The following DPP10 variants were observed in gnomAD, a reference collection of about 807,000 sequenced individuals.
The protein encoded by DPP10 is dipeptidyl peptidase like 10.
In DPP10, 33 loss-of-function variants were observed where a neutral mutation model predicts 120.9. The observed-to-expected ratio is 0.27, with a 90% CI of 0.21 to 0.37. DPP10 has a LOEUF of 0.37. Ranked by LOEUF, DPP10 falls within the 10% of genes least tolerant of loss-of-function variation. The probability of loss-of-function intolerance (pLI) is 1.00; values close to 1 mark genes in which losing one functional copy is unlikely to be tolerated. For missense variants in DPP10, 816 were observed against 942.8 expected, an observed-to-expected ratio of 0.87 and a Z score of 1.76; for synonymous variants, 337 against 326.1, an observed-to-expected ratio of 1.03 and a Z score of -0.36.
intron 1 of DPP10, among the ~76,000 whole-genome samples, chr2:114,618,045 G>A (rs1158628986): frequency 1.3e-5 from 2 of 151,974 alleles, no homozygotes; most frequent in African/African-American, 4.8e-5. Flanking sequence ...ATACCAAATG[G>A]GTCCACGCAG....
At chr2:115,587,572 C>T (rs1011906676) in intron 5 of DPP10, among the ~76,000 whole-genome samples, 2 of 152,176 alleles carry the variant, frequency 1.3e-5, no homozygotes, top group African/African-American at 4.8e-5. Flanking sequence ...ACTTCGTGCA[C>T]CCCCATGTTC....
chr2:115,829,765 A>C lies in DPP10; in HGVS notation c.1951-6392A>C, dbSNP rs1470639567. ...CTATTGCTTATTATTTGTGTGTTTT[A>C]ATTTTTATTGTAAATTGTGTCATTT... On this transcript the variant is annotated intron_variant, in intron 21 of 25. Coordinates refer to ENST00000410059, the MANE Select transcript of DPP10 (RefSeq NM_020868.6). 2.6e-5 allele frequency among the ~76,000 whole-genome samples: 4 copies of C among 151,828 alleles called. No homozygotes were observed. The East Asian group carries it at 5.8e-4, about 22-fold the overall frequency.
chr2:115,604,102 T>C (rs1453570329), intron 5 of DPP10, among the ~76,000 whole-genome samples: 2 of 101,950 alleles, frequency 2.0e-5, no homozygotes, highest in African/African-American at 3.6e-5. Context: ...TTTTTTTTTT[T>C]TTTTAAGATG....
chr2:115,692,580 C>G (rs1228342507), intron 7 of DPP10, among the ~76,000 whole-genome samples: 2 of 152,096 alleles, frequency 1.3e-5, no homozygotes, highest in African/African-American at 2.4e-5. Flanking sequence ...CTCTGATTGG[C>G]CAACCCTCAT....
intron 1 of DPP10, among the ~76,000 whole-genome samples, chr2:114,586,006 G>A (rs566357580): frequency 1.3e-5 from 2 of 152,156 alleles, no homozygotes; most frequent in Non-Finnish European, 2.9e-5. Flanking sequence ...CCAGCCCTTT[G>A]GGAAGCTGAG....
At chr2:114,901,072 C>G (rs889599761) in intron 1 of DPP10, among the ~76,000 whole-genome samples, 2 of 152,078 alleles carry the variant, frequency 1.3e-5, no homozygotes, top group Non-Finnish European at 2.9e-5. Context: ...GAACAAACAT[C>G]AAATTTATAA....
At chr2:115,380,911 C>A (rs1258051580) in intron 3 of DPP10, among the ~76,000 whole-genome samples, 5 of 152,090 alleles carry the variant, frequency 3.3e-5, no homozygotes, top group African/African-American at 7.2e-5. Flanking sequence ...AGAGTTTCTG[C>A]CTAGAGATCC....
chr2:114,449,746 G>T (rs1678153505), intron 1 of DPP10, among the ~76,000 whole-genome samples: 1 of 152,070 alleles, frequency 6.6e-6, no homozygotes, highest in Non-Finnish European at 1.5e-5. Flanking sequence ...ATTATGATTT[G>T]TTCTAGTAGC....
intron 1 of DPP10, among the ~76,000 whole-genome samples, chr2:114,938,755 G>T: frequency 6.8e-6 from 1 of 147,268 alleles, no homozygotes. Context: ...TTTGGTCAGA[G>T]GAGACTTTTT....
At chr2:115,229,442 T>A (rs2057619944) in intron 1 of DPP10, among the ~76,000 whole-genome samples, 1 of 152,180 alleles carries the variant, frequency 6.6e-6, no homozygotes, top group African/African-American at 2.4e-5. Context: ...ACTCAAGAAA[T>A]CTTTGCCAAC....
chr2:115,092,812 A>G (rs1257595731), intron 1 of DPP10, among the ~76,000 whole-genome samples: 3 of 152,298 alleles, frequency 2.0e-5, no homozygotes, highest in African/African-American at 4.8e-5. Flanking sequence ...ATAAGTGATG[A>G]AGTATTATAA....
chr2:114,477,832 T>A (rs1388770670), intron 1 of DPP10, among the ~76,000 whole-genome samples: 1 of 91,728 alleles, frequency 1.1e-5, no homozygotes, highest in Non-Finnish European at 3.0e-5. Context: ...TATATGTATG[T>A]ACATAAATAT....
At chr2:115,742,370 A>C (rs954254596) in intron 9 of DPP10, among the ~76,000 whole-genome samples, 1 of 152,150 alleles carries the variant, frequency 6.6e-6, no homozygotes, top group Non-Finnish European at 1.5e-5. Flanking sequence ...ACTTAGCTAC[A>C]TGTGGGTGCC....
chr2:115,240,117 C>T (rs1234927330), intron 1 of DPP10, among the ~76,000 whole-genome samples: 1 of 152,126 alleles, frequency 6.6e-6, no homozygotes, highest in Non-Finnish European at 1.5e-5. Context: ...GATATACACC[C>T]AGTAATGGGA....
At chr2:115,556,054 T>C (rs2080190112) in intron 5 of DPP10, among the ~76,000 whole-genome samples, 1 of 152,178 alleles carries the variant, frequency 6.6e-6, no homozygotes, top group East Asian at 1.9e-4. Context: ...CTATAATTTT[T>C]GAAATAGGAA....
intron 1 of DPP10, among the ~76,000 whole-genome samples, chr2:115,033,455 G>T (rs1703989566): frequency 6.6e-6 from 1 of 151,914 alleles, no homozygotes; most frequent in Non-Finnish European, 1.5e-5. Flanking sequence ...TTTCAAAACT[G>T]CAGTAATACC....
chr2:115,766,286 A>ATG lies in DPP10; in HGVS notation c.1114-1987_1114-1986dup, dbSNP rs34673352. 5.8e-3 allele frequency among the ~76,000 whole-genome samples: 405 copies of ATG among 70,178 alleles called. 4 individuals carry two copies. The highest frequency in any genetic ancestry group is 0.012 in the South Asian group (17 of 1,474). 46.0% of individuals were successfully genotyped at this position (70,178 alleles called of 152,430 possible). On this transcript the variant is annotated intron_variant, in intron 12 of 25. Coordinates refer to ENST00000410059, the MANE Select transcript of DPP10 (RefSeq NM_020868.6). ...ATGAACAAAAATACTCATTATATAT[A>ATG]TGTGTGTGTGTGTGTGTGTGTGTGT...
At chr2:114,735,121 G>T (rs1677294244) in intron 1 of DPP10, among the ~76,000 whole-genome samples, 1 of 152,126 alleles carries the variant, frequency 6.6e-6, no homozygotes, top group Non-Finnish European at 1.5e-5. Flanking sequence ...TCCAAATACA[G>T]TCAAATTCTA....
intron 1 of DPP10, among the ~76,000 whole-genome samples, chr2:114,607,996 G>A (rs1692953890): frequency 6.6e-6 from 1 of 152,160 alleles, no homozygotes; most frequent in Non-Finnish European, 1.5e-5. Context: ...AGCTGGTCAT[G>A]AGCCTCAAGG....
Sources: allele counts gnomAD v4.1 joint callset (sites outside exome capture counted in the v4.1 genomes callset), GRCh38; gene constraint gnomAD v4.1.1; transcripts MANE v1.5; gene names NCBI Gene and HGNC (gene_info 2026-07-23, HGNC 2026-07-21).